UBL3: variants seen among roughly 807,000 people sequenced by gnomAD.
The protein encoded by UBL3 is ubiquitin like 3.
Under a neutral mutation model 18.4 loss-of-function variants are expected in UBL3, and 6 were observed. The ratio of observed to expected loss-of-function variants is 0.33; its 90% CI spans 0.18 to 0.64. The LOEUF is 0.64. UBL3 is among the 30% of genes least tolerant of loss of function. UBL3 has a pLI of 0.76. For synonymous variants in UBL3, 49 were observed against 46.6 expected (o/e 1.05, Z -0.21); for missense variants, 109 against 142.9 (o/e 0.76, Z 1.21).
At chr13:29,821,921 A>G (rs1020895123) in intron 1 of UBL3, among the ~76,000 whole-genome samples, 2 of 151,446 alleles carry the variant, frequency 1.3e-5, no homozygotes, top group African/African-American at 4.9e-5. Context: ...GGTGATTACA[A>G]CTAGTCCTAA....
chr13:29,833,673 A>T (rs971869406), intron 1 of UBL3, among the ~76,000 whole-genome samples: 2 of 152,206 alleles, frequency 1.3e-5, no homozygotes, highest in Admixed American at 6.5e-5. Context: ...CTGAACACAG[A>T]CATACTCAGC....
intron 1 of UBL3, among the ~76,000 whole-genome samples, chr13:29,837,376 T>G (rs1878983251): frequency 6.6e-6 from 1 of 151,782 alleles, no homozygotes. Flanking sequence ...ATACAAAAAC[T>G]AAAATTAAAA....
At chr13:29,808,375 C>A (rs1440929035) in intron 1 of UBL3, among the ~76,000 whole-genome samples, 2 of 152,032 alleles carry the variant, frequency 1.3e-5, no homozygotes, top group Non-Finnish European at 2.9e-5. Context: ...GCTCCCACTC[C>A]CCCCACCTCA....
At position 29,849,679 on chromosome 13, in the gene UBL3, GAGC is replaced by G; in HGVS notation, c.-144_-142del. 8 of 1,120,886 alleles carry G rather than the reference GAGC, an allele frequency of 7.1e-6. No homozygotes were observed. Among genetic ancestry groups the G allele is most frequent in the Non-Finnish European group, 1.0e-5 (8 of 773,820 alleles). 69.4% of individuals were successfully genotyped at this position (1,120,886 alleles called of 1,614,324 possible). A position where few individuals can be genotyped will look rare whatever the true frequency, so the allele number is the denominator to read the frequency against. On this transcript the variant is annotated 5_prime_UTR_variant, in exon 1 of 5. Transcript: ENST00000380680. ...CTCCCCCAAAAATAAAGTTATTTTG[GAGC>G]CAAAGTGCCGGTCAGGCCGAGGTTC... is the stretch of plus-strand genomic sequence containing the variant.
At chr13:29,805,768 G>A (rs1235000522) in intron 1 of UBL3, among the ~76,000 whole-genome samples, 1 of 151,992 alleles carries the variant, frequency 6.6e-6, no homozygotes, top group African/African-American at 2.4e-5. Flanking sequence ...TTATATACAG[G>A]CTAGACTTTT....
intron 1 of UBL3, among the ~76,000 whole-genome samples, chr13:29,841,372 C>T (rs1018400122): frequency 1.3e-5 from 2 of 151,916 alleles, no homozygotes; most frequent in African/African-American, 2.4e-5. Context: ...CTATTTGTTA[C>T]ATATATATAT....
chr13:29,782,195 A>G (rs1038727453), intron 1 of UBL3, among the ~76,000 whole-genome samples: 2 of 152,128 alleles, frequency 1.3e-5, no homozygotes, highest in Non-Finnish European at 1.5e-5. Flanking sequence ...ATAATGTTCA[A>G]TTATCTTTGA....
intron 2 of UBL3, among the ~76,000 whole-genome samples, chr13:29,774,380 C>T (rs1876925076): frequency 6.6e-6 from 1 of 151,966 alleles, no homozygotes; most frequent in Non-Finnish European, 1.5e-5. Context: ...ATATCAAAAG[C>T]TATTACTTAC....
chr13:29,805,368 G>A (rs1380392441), intron 1 of UBL3, among the ~76,000 whole-genome samples: 1 of 152,124 alleles, frequency 6.6e-6, no homozygotes, highest in African/African-American at 2.4e-5. Flanking sequence ...GTCCTTGAGG[G>A]CAAGGTAGAT....
intron 1 of UBL3, among the ~76,000 whole-genome samples, chr13:29,815,301 T>TG (rs751052680): frequency 1.6e-4 from 24 of 152,074 alleles, no homozygotes; most frequent in African/African-American, 3.9e-4. Context: ...AATGGGTGTG[T>TG]GGGGGGGAGA....
intron 1 of UBL3, among the ~76,000 whole-genome samples, chr13:29,820,339 G>A (rs1416788243): frequency 6.6e-6 from 1 of 152,012 alleles, no homozygotes; most frequent in Admixed American, 6.6e-5. Context: ...ATCATGCCCA[G>A]CTAATTTTTG....
intron 1 of UBL3, among the ~76,000 whole-genome samples, chr13:29,819,619 G>A (rs1878373114): frequency 6.6e-6 from 1 of 152,098 alleles, no homozygotes; most frequent in Admixed American, 6.5e-5. Flanking sequence ...AAAATACTAG[G>A]ATACTGCAAA....
rs1238910069 is a variant in UBL3 at position 29,764,765 on chromosome 13, T to G, written c.*2490A>C. The G allele has an allele frequency of 6.6e-6, 1 of 152,232 alleles. No homozygotes were observed. The highest frequency in any genetic ancestry group is 1.5e-5 in the Non-Finnish European group (1 of 68,042). The allele number at this position is 152,232 out of a possible 1,614,324, so 9.4% of individuals were successfully genotyped here. A position where few individuals can be genotyped will look rare whatever the true frequency, so the allele number is the denominator to read the frequency against. The stretch of plus-strand genomic sequence containing the variant: ...ACATAGGCTCATCATTCAGGCTTTA[T>G]GTACATTACTGGATCTATGCAGCTC... On this transcript the variant is annotated 3_prime_UTR_variant, in exon 5 of 5. Transcript: ENST00000380680.
chr13:29,770,137 C>G (rs527726484), intron 3 of UBL3, among the ~76,000 whole-genome samples: 2 of 152,174 alleles, frequency 1.3e-5, no homozygotes, highest in African/African-American at 4.8e-5. Flanking sequence ...TTCTTCCACA[C>G]AGGCCACTCA....
chr13:29,778,397 C>T (rs8001320), intron 1 of UBL3, among the ~76,000 whole-genome samples: 147,708 of 152,204 alleles, frequency 0.97, 71,740 homozygotes, highest in Non-Finnish European at 1. Context: ...CTGTAAGTCA[C>T]AGAAATACAA....
chr13:29,835,118 ATATATAAATATATATATATATATATATAT>A (rs1878903632), intron 1 of UBL3, among the ~76,000 whole-genome samples: 1 of 26,278 alleles, frequency 3.8e-5, no homozygotes, highest in African/African-American at 3.6e-4. Flanking sequence ...ATATATATAT[ATATATAAATATATATATATATATATATAT>A]ATATATATAT....
At chr13:29,803,610 C>T (rs1270724250) in intron 1 of UBL3, among the ~76,000 whole-genome samples, 1 of 130,590 alleles carries the variant, frequency 7.7e-6, no homozygotes, top group Admixed American at 7.6e-5. Context: ...AAATGGAAAA[C>T]AGAAAAAAAA....
chr13:29,775,759 G>C (rs747058071), intron 2 of UBL3, among the ~76,000 whole-genome samples: 2 of 152,008 alleles, frequency 1.3e-5, no homozygotes, highest in East Asian at 1.9e-4. Flanking sequence ...TGGATTACAG[G>C]GGTGCACCAC....
intron 2 of UBL3, among the ~76,000 whole-genome samples, chr13:29,772,885 T>C (rs895624373): frequency 1.2e-4 from 18 of 152,042 alleles, no homozygotes; most frequent in African/African-American, 4.1e-4. Flanking sequence ...GCAGAATGGG[T>C]AACAGAATAT....
Sources: allele counts gnomAD v4.1 joint callset (sites outside exome capture counted in the v4.1 genomes callset), GRCh38; gene constraint gnomAD v4.1.1; transcripts MANE v1.5; gene names NCBI Gene and HGNC (gene_info 2026-07-23, HGNC 2026-07-21).